ADGRF1: variants seen among roughly 807,000 people sequenced by gnomAD.
ADGRF1 encodes G protein-coupled receptor 110.
ADGRF1 carries 85 observed loss-of-function variants against 87.2 expected under a neutral mutation model. That is an observed-to-expected ratio of 0.97 (90% CI 0.82 to 1.17). The LOEUF is 1.17. ADGRF1 is among the 50% of genes most tolerant of loss of function. The pLI, the probability that ADGRF1 is intolerant of heterozygous loss-of-function variation, is 0.00. For missense variants in ADGRF1, 1,169 were observed against 1,077.2 expected (o/e 1.09, Z -1.19); for synonymous variants, 430 against 408.8 (o/e 1.05, Z -0.63).
At position 46,999,060 on chromosome 6, in the gene ADGRF1, G is replaced by C. The variant is rs944068606; in HGVS notation, c.*1162C>G. The stretch of plus-strand genomic sequence containing the variant: ...TCAAAACAGCAAGGATGAATCAAAG[G>C]CTCGGGTTCCTCTGGGCACTATGGT... On this transcript the variant is annotated 3_prime_UTR_variant, in exon 15 of 15. Transcript: ENST00000371253. 1 of 152,244 alleles carries C rather than the reference G, an allele frequency of 6.6e-6. No individual in the cohort carries two copies. The highest frequency in any genetic ancestry group is 1.5e-5 in the Non-Finnish European group (1 of 68,082). 9.4% of individuals were successfully genotyped at this position (152,244 alleles called of 1,614,324 possible).
intron 7 of ADGRF1, 122 bp from the exon 8 acceptor site, chr6:47,016,890 T>C (rs1015711086): frequency 4.5e-6 from 6 of 1,327,452 alleles, no homozygotes; most frequent in Non-Finnish European, 5.8e-6. Context: ...GCTTACATTC[T>C]AGTGGATAAG....
At chr6:47,006,907 G>T (rs188862778) in intron 12 of ADGRF1, among the ~76,000 whole-genome samples, 2 of 152,154 alleles carry the variant, frequency 1.3e-5, no homozygotes, top group Admixed American at 1.3e-4. Context: ...TAAATGGGTA[G>T]AATAATTGAA....
chr6:47,034,004 A>G (rs1780512819), intron 1 of ADGRF1, among the ~76,000 whole-genome samples: 1 of 152,248 alleles, frequency 6.6e-6, no homozygotes, highest in Admixed American at 6.5e-5. Context: ...ATATGTGTGC[A>G]CAGTAAAATT....
chr6:47,020,721 T>C lies in ADGRF1; in HGVS notation c.611+10A>G, dbSNP rs768734768. On this transcript the variant is annotated intron_variant, in intron 7 of 14. Transcript: ENST00000371253. ...TGGGGATGCCCTTCTAAGACCATTG[T>C]GTTACTTACCGAAATTGGGTGACCT... 3.1e-6 allele frequency: 5 copies of C among 1,613,148 alleles called. No homozygotes were observed. Among genetic ancestry groups the C allele is most frequent in the Non-Finnish European group, 4.2e-6 (5 of 1,179,090 alleles).
intron 7 of ADGRF1, chr6:47,020,063 G>T (rs374390132): frequency 1.0e-6 from 1 of 1,000,414 alleles, no homozygotes; most frequent in Non-Finnish European, 1.2e-6. Flanking sequence ...TCGACAACCC[G>T]CAACCCTTAT....
intron 1 of ADGRF1, among the ~76,000 whole-genome samples, chr6:47,041,080 G>A (rs189160169): frequency 4.6e-5 from 7 of 152,252 alleles, no homozygotes; most frequent in Admixed American, 2.0e-4. Context: ...CAATCTTAAC[G>A]CTTATTGGCA....
rs755493780 is a variant in ADGRF1, at chr6:47,010,234, T to C, written c.1201A>G (p.Ser401Gly). The C allele has an allele frequency of 3.4e-5, 55 of 1,613,898 alleles. No homozygotes were observed. Among genetic ancestry groups the C allele is most frequent in the Admixed American group, 6.7e-5 (4 of 59,986 alleles). ...TVLLREEKYA[S>G]SRLLETLENI... is the part of the protein sequence containing the mutation. ...TCTAATGTCTCTAGTAACCGTGAGC[T>C]GGCATACTTTTCTTCCCGCAGTAAG... The change falls in exon 11 of 15, where the codon AGC becomes GGC. Residue 401 changes from serine (S) to glycine (G), a missense_variant. Ser to Gly is a moderately conservative substitution (Grantham distance 56). Coordinates refer to ENST00000371253, the MANE Select transcript of ADGRF1 (RefSeq NM_153840.4).
At chr6:47,019,671 G>A (rs1454170197) in intron 7 of ADGRF1, 57 of 752,390 alleles carry the variant, frequency 7.6e-5, no homozygotes, top group Middle Eastern at 1.3e-3. Context: ...GCGACAGAGC[G>A]AGACTCCATC....
chr6:47,024,731 C>T (rs1337275476), intron 4 of ADGRF1, among the ~76,000 whole-genome samples: 1 of 152,140 alleles, frequency 6.6e-6, no homozygotes, highest in East Asian at 1.9e-4. Flanking sequence ...ATATTTCTCA[C>T]CAAAAGCTAG....
chr6:47,018,595 T>G, intron 7 of ADGRF1: 1 of 1,289,302 alleles, frequency 7.8e-7, no homozygotes, highest in Non-Finnish European at 1.0e-6. Context: ...GTTTGACAGA[T>G]AAGTAAATAG....
chr6:47,012,051 G>A lies in ADGRF1; in HGVS notation c.1072C>T (p.Leu358=). 1 of 1,614,026 alleles carries A rather than the reference G, an allele frequency of 6.2e-7. No individual in the cohort carries two copies. The highest frequency in any genetic ancestry group is 1.7e-5 in the Admixed American group (1 of 60,012). ...VVSILSNISS[L]SLASHFRVSN... ...ACCCTGAAATGGCTGGCCAGTGACA[G>A]AGATGAAATATTGCTCAGAATCGAC... Residue 358 remains leucine (L), a synonymous_variant, in exon 10 of 15, where the codon CTG becomes TTG. Transcript: ENST00000371253.
intron 1 of ADGRF1, among the ~76,000 whole-genome samples, chr6:47,038,097 G>A (rs1381778715): frequency 6.6e-6 from 1 of 152,176 alleles, no homozygotes; most frequent in African/African-American, 2.4e-5. Flanking sequence ...CTGACCTCAG[G>A]TGATTCACCC....
intron 13 of ADGRF1, chr6:47,001,964 C>T (rs1779376452): frequency 1.1e-5 from 2 of 185,180 alleles, no homozygotes; most frequent in African/African-American, 4.8e-5. Flanking sequence ...CAAAGCTTTG[C>T]TTTACTCTTG....
intron 5 of ADGRF1, among the ~76,000 whole-genome samples, chr6:47,023,558 C>A (rs531704760): frequency 6.6e-6 from 1 of 152,262 alleles, no homozygotes; most frequent in South Asian, 2.1e-4. Context: ...AGACTTTTAG[C>A]TTTTGTTCTG....
chr6:47,010,223 T>G lies in ADGRF1; in HGVS notation c.1212A>C (p.Leu404Phe), dbSNP rs750742530. Residue 404 changes from leucine to phenylalanine, a missense_variant, in exon 11 of 15, where the codon TTA (leucine) becomes TTC (phenylalanine). By Grantham distance (22) the Leu-to-Phe change is conservative. Coordinates refer to ENST00000371253, the MANE Select transcript of ADGRF1 (RefSeq NM_153840.4). ...LREEKYASSR[L>F]LETLENISTL... ...TGCTGATGTTTTCTAATGTCTCTAGTAACCGTGAGCTGGCATACTTTTCTT... is the reference window on the plus strand; with the variant it reads ...TGCTGATGTTTTCTAATGTCTCTAGGAACCGTGAGCTGGCATACTTTTCTT... 8 of 1,613,934 alleles carry G rather than the reference T, an allele frequency of 5.0e-6. No homozygotes were observed. The South Asian group carries it at 7.7e-5, about 16-fold the overall frequency.
rs542309701 is a variant in ADGRF1, at chr6:47,033,184, G to C, written c.-43-4080C>G. 1.9e-3 allele frequency among the ~76,000 whole-genome samples: 282 copies of C among 152,338 alleles called. 1 individual carries two copies. Among genetic ancestry groups the C allele is most frequent in the Non-Finnish European group, 2.7e-3 (185 of 68,024 alleles). On this transcript the variant is annotated intron_variant, in intron 1 of 14. Transcript: ENST00000371253. The stretch of plus-strand genomic sequence containing the variant: ...GGCCAGTGATGCCTGAGCTGCAGCT[G>C]TGTGGGCACCAGCTTCCGTGGGAAG...
At chr6:47,032,280 T>G (rs554817598) in intron 1 of ADGRF1, among the ~76,000 whole-genome samples, 1 of 152,334 alleles carries the variant, frequency 6.6e-6, no homozygotes, top group South Asian at 2.1e-4. Context: ...GAATCAAACT[T>G]TTTTTCTTTG....
In ADGRF1 at chr6:46,999,361, A is replaced by G. The variant is rs1779297893; in HGVS notation, c.*861T>C. 6.6e-6 allele frequency: 1 copy of G among 152,014 alleles called. No homozygotes were observed. Among genetic ancestry groups the G allele is most frequent in the Admixed American group, 6.5e-5 (1 of 15,276 alleles). 9.4% of individuals were successfully genotyped at this position (152,014 alleles called of 1,614,324 possible). A position where few individuals can be genotyped will look rare whatever the true frequency, so the allele number is the denominator to read the frequency against. On this transcript the variant is annotated 3_prime_UTR_variant, in exon 15 of 15. Transcript: ENST00000371253. ...GAACTGTGTAACTGACCTCAGAAAG[A>G]TTTACTAGAGATGTAGGTAATTTTC... is the stretch of plus-strand genomic sequence containing the variant.
At chr6:47,029,684 G>T (rs1780350846) in intron 1 of ADGRF1, among the ~76,000 whole-genome samples, 1 of 152,066 alleles carries the variant, frequency 6.6e-6, no homozygotes, top group African/African-American at 2.4e-5. Flanking sequence ...AGGTTATTTT[G>T]CATCAAAAAA....
Sources: allele counts gnomAD v4.1 joint callset (sites outside exome capture counted in the v4.1 genomes callset), GRCh38; gene constraint gnomAD v4.1.1; transcripts MANE v1.5; gene names NCBI Gene and HGNC (gene_info 2026-07-23, HGNC 2026-07-21).